Variants in SEMA3A observed in about 807,000 individuals in gnomAD.
SEMA3A encodes the protein semaphorin 3A.
SEMA3A carries 29 observed loss-of-function variants against 97.9 expected under a neutral mutation model. The observed-to-expected ratio is 0.30, with a 90% confidence interval of 0.22 to 0.40. The LOEUF is 0.40. Among genes scored for constraint, SEMA3A ranks in the 10% least tolerant of loss-of-function variants. SEMA3A has a pLI of 1.00. For synonymous variants in SEMA3A, 321 were observed against 323.7 expected (o/e 0.99, Z 0.09); for missense variants, 763 against 951.3 (o/e 0.80, Z 2.60).
chr7:83,961,323 T>C lies in SEMA3A; in HGVS notation c.*48A>G, dbSNP rs1364960690. 1 of 1,458,836 alleles carries C rather than the reference T, an allele frequency of 6.9e-7. No individual in the cohort carries two copies. The highest frequency in any genetic ancestry group is 9.6e-7 in the Non-Finnish European group (1 of 1,043,398). 90.4% of individuals were successfully genotyped at this position (1,458,836 alleles called of 1,614,324 possible). On this transcript the variant is annotated 3_prime_UTR_variant, in exon 17 of 17. Coordinates refer to ENST00000265362, the MANE Select transcript of SEMA3A (RefSeq NM_006080.3). ...ATATTGCATTTGTTTTTCCAGTTAT[T>C]GTCTAGGCAAGTTTCTACTTGTTTG...
chr7:83,981,492 TTACTGCTGTGACAA>T lies in SEMA3A; in HGVS notation c.1495-28_1495-15del, dbSNP rs1789416263. 3 of 1,568,206 alleles carry T rather than the reference TTACTGCTGTGACAA, an allele frequency of 1.9e-6. No individual in the cohort carries two copies. The highest frequency in any genetic ancestry group is 2.6e-6 in the Non-Finnish European group (3 of 1,158,104). ...ATATAGTTGTTGCTGTGGAAAGAGTTTACTGCTGTGACAAAAACTATCTTGTCTTTTAAATCTCT... is the reference window on the plus strand; with the variant it reads ...ATATAGTTGTTGCTGTGGAAAGAGTTAAACTATCTTGTCTTTTAAATCTCT... On this transcript the variant is annotated splice_polypyrimidine_tract_variant and intron_variant, in intron 13 of 16. Coordinates refer to ENST00000265362, the MANE Select transcript of SEMA3A (RefSeq NM_006080.3).
In SEMA3A at chr7:83,981,334, G is replaced by A; in HGVS notation, c.1639C>T (p.Pro547Ser). 1.2e-6 allele frequency: 2 copies of A among 1,613,850 alleles called. No individual in the cohort carries two copies. The highest frequency in any genetic ancestry group is 1.7e-6 in the Non-Finnish European group (2 of 1,179,874). The change falls in exon 14 of 17, where the codon CCC becomes TCC. Residue 547 changes from proline (P) to serine (S), a missense_variant. Pro to Ser is a moderately conservative substitution (Grantham distance 74). This residue lies in a region of SEMA3A where 678 missense variants were observed against 881.3 expected (regional missense o/e 0.77). Transcript: ENST00000265362. ...WDGSACSRYF[P>S]TAKRRTRRQD... is the part of the protein sequence containing the mutation. ...TATTTTTCCTACCTCTTTGCAGTGG[G>A]AAAATAGCGAGAACATGCAGAACCA...
intron 3 of SEMA3A, among the ~76,000 whole-genome samples, chr7:84,241,352 C>A (rs550250220): frequency 6.6e-6 from 1 of 152,228 alleles, no homozygotes; most frequent in Admixed American, 6.5e-5. Flanking sequence ...TCTCTAATGA[C>A]CAGTGATGAT....
intron 2 of SEMA3A, among the ~76,000 whole-genome samples, chr7:84,313,856 C>A (rs968059019): frequency 3.3e-5 from 5 of 151,956 alleles, no homozygotes; most frequent in Admixed American, 2.6e-4. Flanking sequence ...AAGTTAATTA[C>A]TTAGTTTCCT....
chr7:84,170,324 G>A (rs1797347398), intron 1 of SEMA3A, among the ~76,000 whole-genome samples: 2 of 151,970 alleles, frequency 1.3e-5, no homozygotes, highest in African/African-American at 4.8e-5. Context: ...AAATTAAAAT[G>A]TATATGATGT....
At chr7:84,226,044 A>G (rs947542430) in intron 3 of SEMA3A, among the ~76,000 whole-genome samples, 1 of 152,166 alleles carries the variant, frequency 6.6e-6, no homozygotes, top group East Asian at 1.9e-4. Context: ...TATTGCATAT[A>G]TGGTAGATTT....
intron 3 of SEMA3A, among the ~76,000 whole-genome samples, chr7:84,260,333 G>T (rs2115656402): frequency 6.6e-6 from 1 of 152,278 alleles, no homozygotes; most frequent in East Asian, 1.9e-4. Context: ...GATGCCAGCT[G>T]CAGGAGGAGA....
chr7:84,136,712 T>A (rs1391189893), intron 1 of SEMA3A, among the ~76,000 whole-genome samples: 1 of 152,200 alleles, frequency 6.6e-6, no homozygotes, highest in Non-Finnish European at 1.5e-5. Context: ...TAGCTCATCA[T>A]GCCTAACTCA....
intron 4 of SEMA3A, among the ~76,000 whole-genome samples, chr7:84,078,756 A>G (rs566309520): frequency 6.2e-4 from 94 of 152,030 alleles, no homozygotes; most frequent in Non-Finnish European, 1.3e-3. Flanking sequence ...ATATATACAC[A>G]TATATATACA....
At chr7:84,116,628 G>C (rs1487484739) in intron 3 of SEMA3A, among the ~76,000 whole-genome samples, 1 of 152,074 alleles carries the variant, frequency 6.6e-6, no homozygotes, top group Non-Finnish European at 1.5e-5. Context: ...CCTTAGTCTA[G>C]ACCCTAATCC....
intron 2 of SEMA3A, among the ~76,000 whole-genome samples, chr7:84,311,790 T>C (rs1801327636): frequency 6.6e-6 from 1 of 151,962 alleles, no homozygotes; most frequent in African/African-American, 2.4e-5. Context: ...TGAAACCTTT[T>C]CATAGTTAAG....
chr7:84,263,276 G>A (rs1176038109), intron 3 of SEMA3A, among the ~76,000 whole-genome samples: 1 of 152,100 alleles, frequency 6.6e-6, no homozygotes, highest in Non-Finnish European at 1.5e-5. Context: ...TGTGTAGGTG[G>A]GAATACTTGA....
At chr7:84,015,930 A>G (rs1791080677) in intron 6 of SEMA3A, among the ~76,000 whole-genome samples, 1 of 152,218 alleles carries the variant, frequency 6.6e-6, no homozygotes, top group African/African-American at 2.4e-5. Flanking sequence ...GAGTAGGAGA[A>G]TAATAGTTTT....
intron 3 of SEMA3A, among the ~76,000 whole-genome samples, chr7:84,266,867 ATTAT>A (rs1262587940): frequency 6.6e-6 from 1 of 152,176 alleles, no homozygotes; most frequent in African/African-American, 2.4e-5. Flanking sequence ...ATAGTTACAG[ATTAT>A]TTATCATTAT....
intron 3 of SEMA3A, 148 bp from the exon 4 acceptor site, chr7:84,110,737 A>G: frequency 1.2e-6 from 1 of 808,118 alleles, no homozygotes; most frequent in Non-Finnish European, 1.9e-6. Context: ...TTAAGGACTT[A>G]TTTATTATTC....
At chr7:84,060,954 T>C (rs1403409090) in intron 4 of SEMA3A, among the ~76,000 whole-genome samples, 1 of 152,162 alleles carries the variant, frequency 6.6e-6, no homozygotes, top group South Asian at 2.1e-4. Flanking sequence ...AAAAGAAAAA[T>C]AGCAATTCAC....
intron 7 of SEMA3A, among the ~76,000 whole-genome samples, chr7:84,012,295 A>G (rs1790913830): frequency 6.6e-6 from 1 of 150,942 alleles, no homozygotes; most frequent in African/African-American, 2.5e-5. Flanking sequence ...GCCATTTCAC[A>G]TTTTAAAACA....
At chr7:84,090,109 A>G (rs529749345) in intron 4 of SEMA3A, among the ~76,000 whole-genome samples, 1 of 152,276 alleles carries the variant, frequency 6.6e-6, no homozygotes, top group African/African-American at 2.4e-5. Flanking sequence ...ACAAAATAAG[A>G]CAAAATATTA....
At chr7:84,011,510 G>T (rs1790871712) in intron 7 of SEMA3A, among the ~76,000 whole-genome samples, 1 of 151,986 alleles carries the variant, frequency 6.6e-6, no homozygotes, top group Non-Finnish European at 1.5e-5. Context: ...CTTTTTAAGG[G>T]ATATTTATTG....
Sources: allele counts gnomAD v4.1 joint callset (sites outside exome capture counted in the v4.1 genomes callset), GRCh38; gene constraint gnomAD v4.1.1; regional missense constraint gnomAD v4.1.1; transcripts MANE v1.5; gene names NCBI Gene and HGNC (gene_info 2026-07-23, HGNC 2026-07-21).